The following RIMOC1 variants were observed in gnomAD, a reference collection of about 807,000 sequenced individuals.
The protein encoded by RIMOC1 is RAB7A-interacting MON1-CCZ1 complex subunit 1.
chr5:41,917,303 G>C, the RIMOC1 span: 1 of 1,598,690 alleles, frequency 6.3e-7, no homozygotes, highest in Non-Finnish European at 8.5e-7. Context: ...TAACTAGTAA[G>C]TTCATCTAGT....
chr5:41,916,933 A>G, the RIMOC1 span: 4 of 1,245,814 alleles, frequency 3.2e-6, no homozygotes, highest in East Asian at 9.5e-5. Context: ...TGACAAAAGG[A>G]ACTTTAATTA....
the RIMOC1 span, chr5:41,917,522 T>G: frequency 8.2e-7 from 1 of 1,213,554 alleles, no homozygotes; most frequent in Non-Finnish European, 1.0e-6. Flanking sequence ...TTGTTCAAAC[T>G]CACCTTAAAA....
chr5:41,919,027 A>AT, the RIMOC1 span: 1 of 142,328 alleles, frequency 7.0e-6, no homozygotes, highest in Admixed American at 7.0e-5. Context: ...TACTTTACAT[A>AT]TTTTATACAA....
the RIMOC1 span, chr5:41,911,099 G>T: frequency 6.8e-6 from 11 of 1,609,750 alleles, no homozygotes; most frequent in Non-Finnish European, 6.8e-6. Flanking sequence ...TTGGAGACGA[G>T]GAGCCCTGCT....
chr5:41,917,050 G>A, the RIMOC1 span: 1 of 1,611,684 alleles, frequency 6.2e-7, no homozygotes, highest in Non-Finnish European at 8.5e-7. Flanking sequence ...TGGCTATGAT[G>A]TACAGTGGAG....
chr5:41,911,115 T>C, the RIMOC1 span: 2 of 1,610,830 alleles, frequency 1.2e-6, no homozygotes, highest in Non-Finnish European at 8.5e-7. Context: ...CTGCTGTATA[T>C]GTATTGTCAT....
the RIMOC1 span, chr5:41,917,135 G>A: frequency 6.2e-7 from 1 of 1,613,814 alleles, no homozygotes; most frequent in Non-Finnish European, 8.5e-7. Context: ...TAGTGTGTCT[G>A]GAGCGGGCTG....
the RIMOC1 span, among the ~76,000 whole-genome samples, chr5:41,915,752 C>T: frequency 6.6e-6 from 1 of 152,142 alleles, no homozygotes. Flanking sequence ...CCACTGGGTC[C>T]CTCCCACAAC....
chr5:41,915,857 T>C, the RIMOC1 span, among the ~76,000 whole-genome samples: 1 of 152,302 alleles, frequency 6.6e-6, no homozygotes, highest in South Asian at 2.1e-4. Context: ...CTGCTGAGCC[T>C]GTTGTTTCTC....
At chr5:41,908,597 A>G in the RIMOC1 span, among the ~76,000 whole-genome samples, 1 of 152,124 alleles carries the variant, frequency 6.6e-6, no homozygotes, top group Non-Finnish European at 1.5e-5. Context: ...TCTGCCTTCA[A>G]ACACCATGGA....
At chr5:41,917,194 C>G in the RIMOC1 span, 1 of 1,613,588 alleles carries the variant, frequency 6.2e-7, no homozygotes, top group Non-Finnish European at 8.5e-7. Flanking sequence ...GAGAAAAAAT[C>G]TTGAAAAAGT....
the RIMOC1 span, chr5:41,916,950 A>C: frequency 7.3e-7 from 1 of 1,368,136 alleles, no homozygotes; most frequent in Non-Finnish European, 9.9e-7. Flanking sequence ...ATTAGAGTTT[A>C]GTTAATAACT....
At chr5:41,917,367 A>T in the RIMOC1 span, 1 of 1,488,096 alleles carries the variant, frequency 6.7e-7, no homozygotes, top group Admixed American at 2.5e-5. Context: ...AGAGTTCCAA[A>T]AAAGAAGACC....
At chr5:41,918,683 T>G in the RIMOC1 span, 2 of 985,332 alleles carry the variant, frequency 2.0e-6, no homozygotes, top group African/African-American at 1.7e-5. Context: ...TGTTTGTTAC[T>G]AGGGTGGCCT....
the RIMOC1 span, chr5:41,909,643 A>G: frequency 1.5e-6 from 1 of 675,608 alleles, no homozygotes; most frequent in African/African-American, 1.9e-5. Context: ...TAGAAGATTT[A>G]AATGTGTAAT....
the RIMOC1 span, among the ~76,000 whole-genome samples, chr5:41,914,459 A>AC: frequency 8.0e-3 from 244 of 30,564 alleles, no homozygotes; most frequent in Middle Eastern, 0.034. Flanking sequence ...TCTGTCTCAA[A>AC]CAAAACAAAA....
At chr5:41,920,897 G>A in the RIMOC1 span, 1 of 152,260 alleles carries the variant, frequency 6.6e-6, no homozygotes, top group Non-Finnish European at 1.5e-5. Flanking sequence ...TACACTTGGG[G>A]TTTCTCTTCG....
the RIMOC1 span, chr5:41,921,188 C>G: frequency 6.6e-6 from 1 of 152,560 alleles, no homozygotes; most frequent in Non-Finnish European, 1.5e-5. Flanking sequence ...CTTTACATTC[C>G]TAGCTTTACA....
At chr5:41,909,308 G>A in the RIMOC1 span, among the ~76,000 whole-genome samples, 1 of 152,054 alleles carries the variant, frequency 6.6e-6, no homozygotes, top group African/African-American at 2.4e-5. Flanking sequence ...GGATACATAC[G>A]CCCCTCACGC....
Sources: allele counts gnomAD v4.1 joint callset (sites outside exome capture counted in the v4.1 genomes callset), GRCh38; gene constraint gnomAD v4.1.1; transcripts MANE v1.5; gene names NCBI Gene and HGNC (gene_info 2026-07-23, HGNC 2026-07-21).